CNKSR2: variants seen among roughly 807,000 people sequenced by gnomAD.
CNKSR2 encodes the protein CNK homolog protein 2.
CNKSR2 carries 14 observed loss-of-function variants against 84.4 expected under a neutral mutation model. That is an observed-to-expected ratio of 0.17 (90% CI 0.11 to 0.26). The LOEUF (loss-of-function observed/expected upper bound fraction) is 0.26. CNKSR2 is among the 10% of genes least tolerant of loss of function. The pLI is 1.00. For synonymous variants in CNKSR2, 275 were observed against 277.9 expected (o/e 0.99, Z 0.10); for missense variants, 485 against 771.2 (o/e 0.63, Z 4.40).
chrX:21,608,320 G>A (rs1407786599), intron 19 of CNKSR2, among the ~76,000 whole-genome samples: 1 of 111,443 alleles, frequency 9.0e-6, no homozygotes, highest in Non-Finnish European at 1.9e-5. Context: ...AGTAAGGCTT[G>A]TGGCAGTAGA....
At chrX:21,615,375 C>T (rs2092572137) in intron 20 of CNKSR2, among the ~76,000 whole-genome samples, 1 of 111,786 alleles carries the variant, frequency 8.9e-6, no homozygotes, top group Admixed American at 9.5e-5. Flanking sequence ...TTCCTATAGA[C>T]AATAAGTAAT....
intron 4 of CNKSR2, among the ~76,000 whole-genome samples, chrX:21,464,635 A>G (rs2091103563): frequency 9.0e-6 from 1 of 111,493 alleles, no homozygotes; most frequent in African/African-American, 3.3e-5. Flanking sequence ...GAATGGAACA[A>G]GAGATGACTA....
At chrX:21,377,094 G>A (rs1402599997) in intron 1 of CNKSR2, among the ~76,000 whole-genome samples, 1 of 111,998 alleles carries the variant, frequency 8.9e-6, no homozygotes, top group East Asian at 2.8e-4. Flanking sequence ...ACGCATTTTA[G>A]AGCTATTTGA....
chrX:21,405,346 C>T (rs2090250031), intron 1 of CNKSR2, among the ~76,000 whole-genome samples: 1 of 111,709 alleles, frequency 9.0e-6, no homozygotes, highest in Non-Finnish European at 1.9e-5. Flanking sequence ...AATTTGATAG[C>T]TTTTTAAAAA....
rs966469256 is a variant in CNKSR2 at position 21,471,023 on chromosome X, A to C, written c.561+216A>C. On this transcript the variant is annotated intron_variant, in intron 5 of 21. Transcript: ENST00000379510. ...AAAAGGTATAATATTTTAAAATTGT[A>C]ATGTGTAGCAAGGTTGGAATATAAT... The C allele has an allele frequency of 3.9e-5, 7 of 179,367 alleles. No individual in the cohort carries two copies. In the Admixed American group the frequency reaches 5.6e-4, roughly 14 times the overall value. The allele number at this position is 179,367 out of a possible 1,213,427, so 14.8% of individuals were successfully genotyped here.
At chrX:21,476,252 T>C (rs999022034) in intron 5 of CNKSR2, among the ~76,000 whole-genome samples, 4 of 111,147 alleles carry the variant, frequency 3.6e-5, no homozygotes, top group Admixed American at 2.9e-4. Context: ...ATAAAGAAGG[T>C]AAGGTCACTA....
At position 21,590,558 on chromosome X, in the gene CNKSR2, A is replaced by G. The variant is rs768893575; in HGVS notation, c.1609-14A>G. On this transcript the variant is annotated splice_polypyrimidine_tract_variant and intron_variant, in intron 13 of 21. Transcript: ENST00000379510. ...CTGAGTATCAGATAACATTCTTTTT[A>G]TCTTTGATTTCAGACATTTCAGCAG... is the stretch of plus-strand genomic sequence containing the variant. 5 of 1,203,937 alleles carry G rather than the reference A, an allele frequency of 4.2e-6. No homozygotes were observed. In the South Asian group the frequency reaches 8.9e-5, roughly 21 times the overall value.
At chrX:21,567,567 C>G (rs1053270141) in intron 13 of CNKSR2, among the ~76,000 whole-genome samples, 1 of 111,967 alleles carries the variant, frequency 8.9e-6, no homozygotes, top group Non-Finnish European at 1.9e-5. Flanking sequence ...TTCACTCCAG[C>G]TGAAAACTTC....
intron 1 of CNKSR2, among the ~76,000 whole-genome samples, chrX:21,383,522 A>G (rs183716368): frequency 3.7e-4 from 42 of 112,526 alleles, no homozygotes; most frequent in African/African-American, 1.3e-3. Flanking sequence ...ATATTGTTAC[A>G]TAACTAATAT....
chrX:21,453,880 A>C (rs781409498), intron 4 of CNKSR2, among the ~76,000 whole-genome samples: 1 of 111,130 alleles, frequency 9.0e-6, no homozygotes, highest in South Asian at 3.9e-4. Context: ...CCTTTCAACA[A>C]CCAGATCTCG....
In CNKSR2 at chrX:21,456,653, G is replaced by C. The variant is rs766715806; in HGVS notation, c.520-14113G>C. ...ACACTTAGATTGTTTCTATATCTTG[G>C]CTACTGTGAGTAATGCTGCAATGGG... On this transcript the variant is annotated intron_variant, in intron 4 of 21. Coordinates refer to ENST00000379510, the MANE Select transcript of CNKSR2 (RefSeq NM_014927.5). Among the ~76,000 whole-genome samples the C allele has an allele frequency of 4.5e-5, 5 of 111,419 alleles. No homozygotes were observed. In the East Asian group the frequency reaches 1.4e-3, roughly 31 times the overall value.
chrX:21,633,698 G>A (rs887831440), intron 20 of CNKSR2, among the ~76,000 whole-genome samples: 2 of 112,042 alleles, frequency 1.8e-5, no homozygotes, highest in African/African-American at 6.5e-5. Context: ...CTTTTGCAAT[G>A]GCTATAAAGT....
intron 1 of CNKSR2, chrX:21,425,294 A>T (rs2090550440): frequency 9.0e-6 from 1 of 111,663 alleles, no homozygotes; most frequent in African/African-American, 3.3e-5. Context: ...TTCAGCCCTC[A>T]TCAGTATACA....
At chrX:21,638,854 G>GT (rs1259680887) in intron 20 of CNKSR2, among the ~76,000 whole-genome samples, 1 of 111,263 alleles carries the variant, frequency 9.0e-6, no homozygotes, top group African/African-American at 3.3e-5. Flanking sequence ...GCCTTCTATT[G>GT]TTTTTTCCAT....
intron 21 of CNKSR2, among the ~76,000 whole-genome samples, chrX:21,650,244 C>A (rs1425391055): frequency 9.0e-6 from 1 of 110,774 alleles, no homozygotes; most frequent in South Asian, 3.9e-4. Context: ...ACTATGCAGC[C>A]ATAAAAAAGG....
chrX:21,387,856 A>T (rs1309313358), intron 1 of CNKSR2, among the ~76,000 whole-genome samples: 2 of 111,818 alleles, frequency 1.8e-5, no homozygotes, highest in African/African-American at 6.5e-5. Context: ...CTATATGTAC[A>T]TACTCAGTAT....
At chrX:21,469,452 G>A (rs2091169114) in intron 4 of CNKSR2, among the ~76,000 whole-genome samples, 2 of 111,288 alleles carry the variant, frequency 1.8e-5, no homozygotes, top group South Asian at 7.5e-4. Flanking sequence ...CAAAAATTGT[G>A]TTGAACAACA....
rs2090009163 is a variant in CNKSR2, at chrX:21,388,865, T to C, written c.64+13904T>C. Among the ~76,000 whole-genome samples the C allele has an allele frequency of 3.6e-5, 4 of 110,805 alleles. No homozygotes were observed. The South Asian group carries it at 1.6e-3, about 44-fold the overall frequency. On this transcript the variant is annotated intron_variant, in intron 1 of 21. Transcript: ENST00000379510. ...GTATGAAAAAGGGGAAACATACAACTTTATAGTGGAGAAACCTGGCAGTTG... is the reference window on the plus strand; with the variant it reads ...GTATGAAAAAGGGGAAACATACAACCTTATAGTGGAGAAACCTGGCAGTTG...
intron 13 of CNKSR2, among the ~76,000 whole-genome samples, chrX:21,564,662 A>T (rs1433449988): frequency 8.9e-6 from 1 of 111,735 alleles, no homozygotes; most frequent in Non-Finnish European, 1.9e-5. Context: ...TGAAAGATTT[A>T]ATAACTTACA....
Sources: allele counts gnomAD v4.1 joint callset (sites outside exome capture counted in the v4.1 genomes callset), GRCh38; gene constraint gnomAD v4.1.1; transcripts MANE v1.5; gene names NCBI Gene and HGNC (gene_info 2026-07-23, HGNC 2026-07-21).